The following PRSS2 variants were observed in gnomAD, a reference collection of about 807,000 sequenced individuals.
PRSS2 encodes trypsin-2.
Under a neutral mutation model 19.2 loss-of-function variants are expected in PRSS2, and 19 were observed. That is an observed-to-expected ratio of 0.99 (90% CI 0.69 to 1.45). The LOEUF is 1.45. Ranked by LOEUF, PRSS2 falls within the 40% of genes most tolerant of loss-of-function variation. The pLI is 0.00. For missense variants in PRSS2, 288 were observed against 294.4 expected (o/e 0.98, Z 0.16); for synonymous variants, 107 against 117.5 (o/e 0.91, Z 0.58).
In PRSS2 at chr7:142,773,361, AC is replaced by A. The variant is rs1477389083; in HGVS notation, c.297del (p.Tyr99Ter). The A allele has an allele frequency of 6.2e-7, 1 of 1,613,836 alleles. No individual in the cohort carries two copies. The highest frequency in any genetic ancestry group is 1.3e-5 in the African/African-American group (1 of 74,940). ...GCCAAGATCATCCGCCACCCCAAAT[AC>A]AACAGCCGGACTCTGGACAATGACA... ...NAAKIIRHPK[Y>X]NSRTLDNDIL... On this transcript the variant is annotated frameshift_variant, in exon 3 of 5. Transcript: ENST00000539842. LOFTEE classifies it high-confidence loss of function.
Position 142,773,997 on chromosome 7 carries a change from A to G in PRSS2, c.533A>G (p.Lys178Arg). 6.2e-7 allele frequency: 1 copy of G among 1,608,424 alleles called. No homozygotes were observed. The highest frequency in any genetic ancestry group is 1.1e-5 in the South Asian group (1 of 90,892). ...QAECEASYPGKITNNMFCVGF... is the reference protein window; with the variant it reads ...QAECEASYPGRITNNMFCVGF... ...GAGTGTGAAGCCTCCTACCCTGGAA[A>G]GATTACCAACAACATGTTCTGTGTG... is the stretch of plus-strand genomic sequence containing the variant. Residue 178 changes from lysine to arginine, a missense_variant, in exon 4 of 5, where the codon AAG becomes AGG. Transcript: ENST00000539842.
chr7:142,772,540 T>A, intron 2 of PRSS2: 1 of 683,888 alleles, frequency 1.5e-6, no homozygotes, highest in South Asian at 1.6e-5. Flanking sequence ...TTAAAAATAC[T>A]GATCCCTGTG....
At chr7:142,772,591 G>C in intron 2 of PRSS2, 2 of 679,488 alleles carry the variant, frequency 2.9e-6, no homozygotes, top group East Asian at 2.7e-5. Flanking sequence ...TCAGGAAGAG[G>C]GTGTGAATAT....
At chr7:142,774,092 A>G in intron 4 of PRSS2, 37 bp downstream of exon 4, 3 of 1,562,602 alleles carry the variant, frequency 1.9e-6, no homozygotes, top group Non-Finnish European at 2.6e-6. Flanking sequence ...GCTCCCACTG[A>G]TAACCAGGCC....
Position 142,772,104 on chromosome 7 carries a change from G to T in PRSS2, c.96G>T (p.Glu32Asp). 1 of 1,613,846 alleles carries T rather than the reference G, an allele frequency of 6.2e-7. No homozygotes were observed. Among genetic ancestry groups the T allele is most frequent in the Non-Finnish European group, 8.5e-7 (1 of 1,179,714 alleles). Residue 32 changes from glutamate (E) to aspartate (D), a missense_variant, in exon 2 of 5, where the codon GAG (glutamate) becomes GAT (aspartate). Transcript: ENST00000539842. Reference protein sequence around the residue: ...DKIVGGYICEENSVPYQVSLN... With the variant: ...DKIVGGYICEDNSVPYQVSLN... The stretch of plus-strand genomic sequence containing the variant: ...TCGTTGGGGGCTACATCTGTGAGGA[G>T]AATTCTGTCCCCTACCAGGTGTCCT...
intron 1 of PRSS2, among the ~76,000 whole-genome samples, chr7:142,771,722 T>C (rs1554505700): frequency 6.6e-6 from 1 of 151,862 alleles, no homozygotes; most frequent in African/African-American, 2.4e-5. Flanking sequence ...AGGTGGTGAA[T>C]AAAAGAGAGA....
chr7:142,773,853 A>G, intron 3 of PRSS2, 66 bp from the exon 4 acceptor site: 1 of 1,549,538 alleles, frequency 6.5e-7, no homozygotes, highest in South Asian at 1.1e-5. Flanking sequence ...GTTCCATCCT[A>G]GACTATTGTC....
intron 4 of PRSS2, 80 bp downstream of exon 4, chr7:142,774,135 G>T (rs534853406): frequency 3.4e-6 from 5 of 1,490,394 alleles, no homozygotes; most frequent in Non-Finnish European, 4.7e-6. Context: ...CTCCCAAGGT[G>T]GCGGGGCTGA....
Position 142,773,255 on chromosome 7 carries a change from C to G in PRSS2, c.201-11C>G. The G allele has an allele frequency of 6.4e-7, 1 of 1,572,820 alleles. No homozygotes were observed. Among genetic ancestry groups the G allele is most frequent in the South Asian group, 1.1e-5 (1 of 88,714 alleles). Reference sequence around the variant, plus strand: ...GGAGAAGGTCTTCACCATGCCTGCCCTGCCCATCAGCCGCATCCAGGTGAG... The same window carrying G: ...GGAGAAGGTCTTCACCATGCCTGCCGTGCCCATCAGCCGCATCCAGGTGAG... On this transcript the variant is annotated splice_polypyrimidine_tract_variant and intron_variant, in intron 2 of 4. Transcript: ENST00000539842.
intron 2 of PRSS2, among the ~76,000 whole-genome samples, chr7:142,772,908 T>C (rs1206045363): frequency 2.0e-5 from 3 of 152,150 alleles, no homozygotes; most frequent in South Asian, 4.2e-4. Context: ...CTGTGCACAG[T>C]TAGCAAAGGC....
intron 2 of PRSS2, 32 bp downstream of exon 2, chr7:142,772,240 C>A: frequency 6.2e-7 from 1 of 1,611,512 alleles, no homozygotes; most frequent in Non-Finnish European, 8.5e-7. Context: ...GCAAAACTCC[C>A]AGCCAGGCTG....
intron 2 of PRSS2, among the ~76,000 whole-genome samples, chr7:142,772,811 G>A (rs1418793656): frequency 1.3e-5 from 2 of 152,200 alleles, no homozygotes; most frequent in Admixed American, 6.5e-5. Flanking sequence ...CAAATTCCCA[G>A]GAGATGCTAA....
chr7:142,773,771 A>G (rs1800185263), intron 3 of PRSS2, 148 bp from the exon 4 acceptor site: 2 of 1,269,248 alleles, frequency 1.6e-6, no homozygotes, highest in East Asian at 4.7e-5. Flanking sequence ...TCATTCTGGG[A>G]ACTAAAAGCC....
rs759921320 is a variant in PRSS2 at position 142,774,064 on chromosome 7, A to G, written c.591+9A>G. The G allele has an allele frequency of 4.6e-4, 728 of 1,584,308 alleles. 6 individuals are homozygous for G. In the East Asian group the frequency reaches 0.016, roughly 35 times the overall value. ...GCAAGGATTCCTGCCAGGTGATTTG[A>G]CCCCTTCCCATGCTGAGGCTCCCAC... On this transcript the variant is annotated intron_variant, in intron 4 of 4. Transcript: ENST00000539842.
chr7:142,772,956 C>A (rs1474239211), intron 2 of PRSS2, among the ~76,000 whole-genome samples: 5 of 152,072 alleles, frequency 3.3e-5, no homozygotes, highest in African/African-American at 1.2e-4. Flanking sequence ...CAAGGAGCTC[C>A]TTGTGCCCAC....
rs368679390 is a variant in PRSS2, at chr7:142,772,158, C to T, written c.150C>T (p.Gly50=). 2.9e-4 allele frequency: 469 copies of T among 1,613,854 alleles called. 2 individuals are homozygous for T. In the African/African-American group the frequency reaches 4.5e-3, roughly 15 times the overall value. ...ATTCTGGCTACCACTTCTGCGGTGGCTCCCTCATCAGCGAACAGTGGGTGG... is the reference window on the plus strand; with the variant it reads ...ATTCTGGCTACCACTTCTGCGGTGGTTCCCTCATCAGCGAACAGTGGGTGG... ...SLNSGYHFCG[G]SLISEQWVVS... is the part of the protein sequence containing the mutation. The change falls in exon 2 of 5, where the codon GGC becomes GGT. Residue 50 remains glycine (G), a synonymous_variant. Coordinates refer to ENST00000539842, the MANE Select transcript of PRSS2 (RefSeq NM_002770.4).
chr7:142,772,916 G>C (rs1030168442), intron 2 of PRSS2, among the ~76,000 whole-genome samples: 35 of 152,224 alleles, frequency 2.3e-4, no homozygotes, highest in African/African-American at 8.2e-4. Context: ...AGTTAGCAAA[G>C]GCCTGGAGTG....
At position 142,772,081 on chromosome 7, in the gene PRSS2, G is replaced by T. The variant is rs749998938; in HGVS notation, c.73G>T (p.Val25Phe). ...CCCCTTTGATGATGATGACAAGATC[G>T]TTGGGGGCTACATCTGTGAGGAGAA... ...AAPFDDDDKI[V>F]GGYICEENSV... is the part of the protein sequence containing the mutation. The change falls in exon 2 of 5, where the codon GTT becomes TTT. Residue 25 changes from valine (V) to phenylalanine (F), a missense_variant. Transcript: ENST00000539842. The T allele has an allele frequency of 3.7e-6, 6 of 1,613,806 alleles. No individual in the cohort carries two copies. The highest frequency in any genetic ancestry group is 5.1e-6 in the Non-Finnish European group (6 of 1,179,686).
Position 142,773,658 on chromosome 7 carries a change from C to T in PRSS2, c.454+139C>T, listed in dbSNP as rs988646984. On this transcript the variant is annotated intron_variant, in intron 3 of 4. Coordinates refer to ENST00000539842, the MANE Select transcript of PRSS2 (RefSeq NM_002770.4). ...CATTACACACAGGCTCTGCACTGGG[C>T]ACCAGAGAGATGCAAATTCTCAAGG... is the stretch of plus-strand genomic sequence containing the variant. The T allele has an allele frequency of 8.4e-4, 1,029 of 1,223,964 alleles. No homozygotes were observed. The African/African-American group carries it at 0.014, about 16-fold the overall frequency. The allele number at this position is 1,223,964 out of a possible 1,614,324, so 75.8% of individuals were successfully genotyped here. A position where few individuals can be genotyped will look rare whatever the true frequency, so the allele number is the denominator to read the frequency against.
Sources: gnomAD v4.1 joint callset for allele counts (sites outside exome capture counted in the v4.1 genomes callset) on GRCh38, gnomAD v4.1.1 for gene constraint, MANE v1.5 for transcripts, NCBI Gene and HGNC (gene_info 2026-07-23, HGNC 2026-07-21) for gene names.